The following ZNF48 variants were observed in gnomAD, a reference collection of about 807,000 sequenced individuals.
ZNF48 encodes the protein zinc finger protein 48.
Under a neutral mutation model 40.0 loss-of-function variants are expected in ZNF48, and 20 were observed. The observed-to-expected ratio is 0.50, with a 90% CI of 0.35 to 0.73. ZNF48 has a LOEUF of 0.73. Ranked by LOEUF, ZNF48 falls within the 30% of genes least tolerant of loss-of-function variation. The pLI, the probability that ZNF48 is intolerant of heterozygous loss-of-function variation, is 0.01. For synonymous variants in ZNF48, 298 were observed against 329.7 expected (o/e 0.90, Z 1.04); for missense variants, 726 against 851.9 (o/e 0.85, Z 1.84).
At chr16:30,390,146 A>G (rs2049931813) in intron 1 of ZNF48, among the ~76,000 whole-genome samples, 1 of 151,844 alleles carries the variant, frequency 6.6e-6, no homozygotes, top group South Asian at 2.1e-4. Flanking sequence ...TCATCTTGCC[A>G]TCATGTCTTC....
At position 30,381,093 on chromosome 16, in the gene ZNF48, C is replaced by T. The variant is rs2049840642; in HGVS notation, c.-16+2683C>T. The T allele has an allele frequency of 5.2e-6, 8 of 1,542,170 alleles. No individual in the cohort carries two copies. The highest frequency in any genetic ancestry group is 7.2e-6 in the Non-Finnish European group (8 of 1,114,168). On this transcript the variant is annotated intron_variant, in intron 1 of 2. Coordinates refer to the ZNF48 transcript ENST00000528032. The surrounding 1 kb of genome is among the most constrained non-coding windows in gnomAD (Gnocchi z 4.3). ...TAAGCTGAAATCAGGTTTGGCTTCA[C>T]ATGGGGTCAAAGGTCAGAGGTCATC... is the stretch of plus-strand genomic sequence containing the variant.
intron 1 of ZNF48, among the ~76,000 whole-genome samples, chr16:30,383,979 G>A (rs1460688343): frequency 6.6e-6 from 1 of 152,192 alleles, no homozygotes; most frequent in Admixed American, 6.5e-5. Flanking sequence ...CACTTTGGGA[G>A]GCCGAGGCGG....
Position 30,387,115 on chromosome 16 carries a change from T to C in ZNF48, c.-15-8665T>C, listed in dbSNP as rs533736574. On this transcript the variant is annotated intron_variant, in intron 1 of 2. Coordinates refer to the ZNF48 transcript ENST00000528032. ...CCACCACCATGCCTGGCTAATTTTT[T>C]TGTATTTTTAGTAGAGACAGGGTTT... Among the ~76,000 whole-genome samples, 146 of 151,014 alleles carry C rather than the reference T, an allele frequency of 9.7e-4. 2 individuals carry two copies. The highest frequency in any genetic ancestry group is 9.2e-3 in the East Asian group (47 of 5,112).
intron 1 of ZNF48, among the ~76,000 whole-genome samples, chr16:30,383,519 A>G (rs1199063758): frequency 1.3e-5 from 2 of 152,184 alleles, no homozygotes; most frequent in African/African-American, 4.8e-5. Context: ...AAAAGAAAAA[A>G]GTGGACCAGA....
Position 30,379,947 on chromosome 16 carries a change from C to T in ZNF48, c.-16+1537C>T, listed in dbSNP as rs748707966. On this transcript the variant is annotated intron_variant, in intron 1 of 2. Transcript: ENST00000528032. ...TTTCCCACACCTTCATCTCTGCATC[C>T]TGCCTCTTGAAGTCTTCATCTTCAT... is the stretch of plus-strand genomic sequence containing the variant. 4 of 1,565,192 alleles carry T rather than the reference C, an allele frequency of 2.6e-6. No homozygotes were observed. In the African/African-American group the frequency reaches 4.1e-5, roughly 16 times the overall value.
At chr16:30,392,258 C>T (rs1283809059), upstream of ZNF48, among the ~76,000 whole-genome samples, 2 of 152,114 alleles carry the variant, frequency 1.3e-5, no homozygotes, top group Non-Finnish European at 1.5e-5. Flanking sequence ...CTTCTGACCT[C>T]GTGATCCACC....
rs2049998933 is a variant in ZNF48, at chr16:30,397,555, G to A, written c.305G>A (p.Arg102His). The A allele has an allele frequency of 1.9e-6, 3 of 1,614,104 alleles. No homozygotes were observed. Among genetic ancestry groups the A allele is most frequent in the Non-Finnish European group, 1.7e-6 (2 of 1,180,024 alleles). Residue 102 changes from arginine to histidine, a missense_variant, in exon 3 of 3, where the codon CGC (arginine) becomes CAC (histidine). By Grantham distance (29) the Arg-to-His change is conservative. Transcript: ENST00000613509. The surrounding 1 kb of genome is among the most constrained non-coding windows in gnomAD (Gnocchi z 4.1). ...DRGPRLLGEP[R>H]WGQASSDRAA... ...GGCCCCCGGCTCCTGGGTGAACCAC[G>A]CTGGGGCCAGGCTAGTAGTGATCGG...
upstream of ZNF48, chr16:30,395,143 G>A (rs2049969266): frequency 2.2e-6 from 1 of 449,376 alleles, no homozygotes; most frequent in African/African-American, 2.0e-5. The surrounding 1 kb of genome is among the most constrained non-coding windows in gnomAD (Gnocchi z 5.9). Flanking sequence ...GGAGTGGCTG[G>A]CGCTGTCGGC....
rs778262563 is a variant in ZNF48, at chr16:30,398,345, C to T, written c.1095C>T (p.Asp365=). ...GGCCCCATGCCTGCCCGGAATGCGA[C>T]CGTACCTTCAGCCTCAGCTCCACCC... ...GERPHACPEC[D]RTFSLSSTLL... is the part of the protein sequence containing the mutation. Residue 365 remains aspartate (D), a synonymous_variant, in exon 3 of 3, where the codon GAC becomes GAT. Transcript: ENST00000613509. This position sits in a 1 kb window ranked among gnomAD's most constrained non-coding sequence, Gnocchi z 6.6. The T allele has an allele frequency of 1.9e-6, 3 of 1,613,222 alleles. No homozygotes were observed. The South Asian group carries it at 3.3e-5, about 18-fold the overall frequency.
At chr16:30,387,989 G>A (rs1480470611) in intron 1 of ZNF48, among the ~76,000 whole-genome samples, 1 of 147,004 alleles carries the variant, frequency 6.8e-6, no homozygotes, top group African/African-American at 2.5e-5. Flanking sequence ...TTTTGGAGAG[G>A]GAGTTTTTCT....
upstream of ZNF48, among the ~76,000 whole-genome samples, chr16:30,393,355 T>G (rs953229117): frequency 6.6e-6 from 1 of 151,384 alleles, no homozygotes; most frequent in African/African-American, 2.4e-5. Context: ...GGATTACAGG[T>G]GTGAGGCACC....
intron 1 of ZNF48, among the ~76,000 whole-genome samples, chr16:30,388,971 G>T (rs978672729): frequency 6.7e-6 from 1 of 148,970 alleles, no homozygotes; most frequent in Non-Finnish European, 1.5e-5. Context: ...TGCAAAAAAG[G>T]CTCTTGTGGC....
upstream of ZNF48, chr16:30,395,338 C>T (rs1047988794): frequency 6.8e-5 from 31 of 452,642 alleles, no homozygotes; most frequent in African/African-American, 2.0e-4. The surrounding 1 kb of genome is among the most constrained non-coding windows in gnomAD (Gnocchi z 5.9). Flanking sequence ...GAGCTACCGC[C>T]GACGCGGGCG....
At chr16:30,379,411 G>T in intron 1 of ZNF48, 1 of 1,602,108 alleles carries the variant, frequency 6.2e-7, no homozygotes. Context: ...GCTGGCCTTA[G>T]GACCCCTGCC....
chr16:30,395,096 C>T (rs1427025399), upstream of ZNF48: 1 of 394,796 alleles, frequency 2.5e-6, no homozygotes, highest in South Asian at 1.8e-5. The surrounding 1 kb of genome is among the most constrained non-coding windows in gnomAD (Gnocchi z 5.9). Flanking sequence ...TCCCCGGGTC[C>T]GTCTTTGGAT....
At chr16:30,389,527 C>T (rs1043659847) in intron 1 of ZNF48, among the ~76,000 whole-genome samples, 19 of 146,898 alleles carry the variant, frequency 1.3e-4, no homozygotes, top group African/African-American at 4.3e-4. Context: ...GAGCCGAGAT[C>T]GTGCCACTGC....
rs2050003258 is a variant in ZNF48, at chr16:30,397,892, C to T, written c.642C>T (p.His214=). The change falls in exon 3 of 3, where the codon CAC becomes CAT. Residue 214 remains histidine (H), a synonymous_variant. Transcript: ENST00000613509. This position sits in a 1 kb window ranked among gnomAD's most constrained non-coding sequence, Gnocchi z 4.1. ...ACCTGGTGAAACACCAGCGGACACACACTGGTGAGAAGCCCTACAAGTGTG... is the reference window on the plus strand; with the variant it reads ...ACCTGGTGAAACACCAGCGGACACATACTGGTGAGAAGCCCTACAAGTGTG... ...SSDLVKHQRT[H]TGEKPYKCGI... is the part of the protein sequence containing the mutation. 1 of 1,613,172 alleles carries T rather than the reference C, an allele frequency of 6.2e-7. No homozygotes were observed. The highest frequency in any genetic ancestry group is 1.3e-5 in the African/African-American group (1 of 75,030).
At chr16:30,389,353 T>C (rs1327658872) in intron 1 of ZNF48, among the ~76,000 whole-genome samples, 1 of 149,764 alleles carries the variant, frequency 6.7e-6, no homozygotes, top group African/African-American at 2.5e-5. Flanking sequence ...ATTGTGCTAC[T>C]GCACTCCAGC....
intron 2 of ZNF48, chr16:30,396,094 C>T (rs769030308): frequency 1.4e-4 from 63 of 439,000 alleles, no homozygotes; most frequent in Non-Finnish European, 2.3e-4. Context: ...CTTACTGCCT[C>T]TGCCCTACTT....
Sources: gnomAD v4.1 joint callset for allele counts (sites outside exome capture counted in the v4.1 genomes callset) on GRCh38, gnomAD v4.1.1 for gene constraint, Gnocchi (gnomAD v3.1) non-coding constraint, MANE v1.5 for transcripts, NCBI Gene and HGNC (gene_info 2026-07-23, HGNC 2026-07-21) for gene names.